MNAT1: variants seen among roughly 807,000 people sequenced by gnomAD.
MNAT1 encodes MNAT1 component of CDK activating kinase, also known as CDK-activating kinase assembly factor MAT1.
MNAT1 carries 43 observed loss-of-function variants against 42.0 expected under a neutral mutation model. The observed-to-expected ratio is 1.02, with a 90% CI of 0.80 to 1.32. The LOEUF is 1.32. MNAT1 is among the 40% of genes most tolerant of loss of function. The pLI is 0.00. For missense variants in MNAT1, 306 were observed against 350.4 expected (o/e 0.87, Z 1.01); for synonymous variants, 118 against 120.0 (o/e 0.98, Z 0.11).
At chr14:60,928,256 C>T (rs1043447647) in intron 7 of MNAT1, among the ~76,000 whole-genome samples, 18 of 152,140 alleles carry the variant, frequency 1.2e-4, no homozygotes, top group Non-Finnish European at 2.6e-4. Flanking sequence ...TATCTATTTG[C>T]TTATCCATTC....
At chr14:60,797,583 A>G in intron 2 of MNAT1, among the ~76,000 whole-genome samples, 1 of 152,146 alleles carries the variant, frequency 6.6e-6, no homozygotes, top group East Asian at 1.9e-4. Flanking sequence ...CGTAGTCATA[A>G]GAATTTAAGA....
chr14:60,796,150 A>G (rs895628264), intron 1 of MNAT1, 67 bp from the exon 2 acceptor site: 4 of 1,435,026 alleles, frequency 2.8e-6, no homozygotes, highest in Admixed American at 2.2e-5. Context: ...CATAGGGGCA[A>G]ACTATTCAGA....
chr14:60,907,465 A>G (rs2035226898), intron 7 of MNAT1, among the ~76,000 whole-genome samples: 2 of 149,868 alleles, frequency 1.3e-5, no homozygotes, highest in South Asian at 2.1e-4. Context: ...AGATGAAGAA[A>G]CAGAACTTAG....
intron 6 of MNAT1, among the ~76,000 whole-genome samples, chr14:60,832,255 G>A (rs1185993433): frequency 1.3e-5 from 2 of 152,146 alleles, no homozygotes; most frequent in African/African-American, 4.8e-5. Flanking sequence ...CTTTGCCCAT[G>A]CCTATGTCCT....
At chr14:60,885,102 G>A (rs1210092688) in intron 7 of MNAT1, among the ~76,000 whole-genome samples, 1 of 151,672 alleles carries the variant, frequency 6.6e-6, no homozygotes, top group Non-Finnish European at 1.5e-5. Flanking sequence ...CTTTCTGCTT[G>A]TAGAATTCTT....
intron 5 of MNAT1, among the ~76,000 whole-genome samples, chr14:60,814,429 C>T (rs2032648784): frequency 1.3e-5 from 2 of 151,994 alleles, no homozygotes; most frequent in South Asian, 4.1e-4. Context: ...TTTTTGCATT[C>T]TTCTCTTTCC....
At chr14:60,888,905 C>T (rs1271089219) in intron 7 of MNAT1, among the ~76,000 whole-genome samples, 5 of 141,512 alleles carry the variant, frequency 3.5e-5, no homozygotes, top group African/African-American at 7.9e-5. Context: ...TGTGAAGGAC[C>T]TCTTCAAGGA....
intron 6 of MNAT1, among the ~76,000 whole-genome samples, chr14:60,873,539 G>T (rs1251537082): frequency 6.6e-6 from 1 of 152,014 alleles, no homozygotes; most frequent in Admixed American, 6.6e-5. Context: ...CACAATCACA[G>T]CTCACTGCAG....
intron 6 of MNAT1, among the ~76,000 whole-genome samples, chr14:60,852,306 G>A (rs1448425642): frequency 6.6e-6 from 1 of 152,054 alleles, no homozygotes; most frequent in Non-Finnish European, 1.5e-5. Flanking sequence ...CTTTTTTAAT[G>A]TTTGTTGGCT....
At chr14:60,831,751 A>G (rs897080204) in intron 6 of MNAT1, among the ~76,000 whole-genome samples, 6 of 152,340 alleles carry the variant, frequency 3.9e-5, no homozygotes, top group African/African-American at 1.4e-4. Flanking sequence ...AGGAATTGCC[A>G]CACTGTCTTC....
chr14:60,842,432 A>G (rs972784299), intron 6 of MNAT1, among the ~76,000 whole-genome samples: 1 of 152,140 alleles, frequency 6.6e-6, no homozygotes, highest in Admixed American at 6.5e-5. Context: ...AATGGCCCCC[A>G]TGCAGGAAGC....
At chr14:60,908,772 G>A (rs542336280) in intron 7 of MNAT1, among the ~76,000 whole-genome samples, 29 of 152,130 alleles carry the variant, frequency 1.9e-4, no homozygotes, top group Non-Finnish European at 3.2e-4. Context: ...GAATAGTGCC[G>A]CAGTAAACAT....
intron 7 of MNAT1, among the ~76,000 whole-genome samples, chr14:60,939,394 C>G (rs1045080403): frequency 3.3e-5 from 5 of 152,136 alleles, no homozygotes; most frequent in African/African-American, 1.2e-4. Flanking sequence ...CCTCTACACA[C>G]TGCTTTGAGT....
At chr14:60,966,519 T>C (rs1402774153) in intron 7 of MNAT1, among the ~76,000 whole-genome samples, 2 of 151,838 alleles carry the variant, frequency 1.3e-5, no homozygotes, top group Non-Finnish European at 2.9e-5. Flanking sequence ...CATTCATTCA[T>C]TAATTTATTT....
At chr14:60,869,306 G>T (rs996513437) in intron 6 of MNAT1, among the ~76,000 whole-genome samples, 1 of 151,546 alleles carries the variant, frequency 6.6e-6, no homozygotes. Flanking sequence ...CTCCCAAAGT[G>T]CTAGGATTAC....
chr14:60,928,129 G>C (rs1312582324), intron 7 of MNAT1, among the ~76,000 whole-genome samples: 2 of 152,122 alleles, frequency 1.3e-5, no homozygotes, highest in Non-Finnish European at 2.9e-5. Flanking sequence ...TCATAAGTAT[G>C]TGGTTTTTGT....
intron 1 of MNAT1, among the ~76,000 whole-genome samples, chr14:60,768,504 C>T (rs2030925700): frequency 6.6e-6 from 1 of 152,088 alleles, no homozygotes; most frequent in Non-Finnish European, 1.5e-5. Flanking sequence ...ATTTTTCTAA[C>T]CTTTCTTTCA....
intron 1 of MNAT1, among the ~76,000 whole-genome samples, chr14:60,778,143 T>C (rs529741374): frequency 6.6e-6 from 1 of 152,298 alleles, no homozygotes; most frequent in East Asian, 1.9e-4. Context: ...CAGTTTTGGC[T>C]GCAAACCTAT....
At chr14:60,876,710 A>T (rs977252930) in intron 6 of MNAT1, among the ~76,000 whole-genome samples, 1 of 151,982 alleles carries the variant, frequency 6.6e-6, no homozygotes, top group African/African-American at 2.4e-5. Context: ...TTCATTTATC[A>T]TAATATCTTC....
Sources: gnomAD v4.1 joint callset for allele counts (sites outside exome capture counted in the v4.1 genomes callset) on GRCh38, gnomAD v4.1.1 for gene constraint, MANE v1.5 for transcripts, NCBI Gene and HGNC (gene_info 2026-07-23, HGNC 2026-07-21) for gene names.